The following ITGA9 variants were observed in gnomAD, a reference collection of about 807,000 sequenced individuals.
The protein encoded by ITGA9 is integrin subunit alpha 9.
ITGA9 carries 56 observed loss-of-function variants against 127.8 expected under a neutral mutation model. The ratio of observed to expected loss-of-function variants is 0.44; its 90% CI spans 0.35 to 0.55. ITGA9 has a LOEUF of 0.55. ITGA9 is among the 20% of genes least tolerant of loss of function. ITGA9 has a pLI of 0.00. For synonymous variants in ITGA9, 508 were observed against 514.5 expected, an observed-to-expected ratio of 0.99 and a Z score of 0.17; for missense variants, 1,196 against 1,347.1, an observed-to-expected ratio of 0.89 and a Z score of 1.76.
chr3:37,640,461 G>A (rs1229400711), intron 16 of ITGA9, among the ~76,000 whole-genome samples: 2 of 152,114 alleles, frequency 1.3e-5, no homozygotes, highest in African/African-American at 4.8e-5. Context: ...CACAGAACCA[G>A]GTGCTTCCAA....
chr3:37,503,065 A>C, intron 5 of ITGA9, 113 bp from the exon 6 acceptor site: 1 of 1,271,422 alleles, frequency 7.9e-7, no homozygotes, highest in South Asian at 1.4e-5. Flanking sequence ...CTGGGGAAAA[A>C]AAAGTTCTTG....
At chr3:37,520,568 C>G (rs10510694) in intron 11 of ITGA9, among the ~76,000 whole-genome samples, 6,909 of 152,238 alleles carry the variant, frequency 0.045, 439 homozygotes, top group African/African-American at 0.15. Context: ...GGAAAACTTA[C>G]GAATATGGAA....
chr3:37,710,464 G>A (rs748833478), intron 18 of ITGA9, among the ~76,000 whole-genome samples: 5 of 152,152 alleles, frequency 3.3e-5, no homozygotes, highest in Non-Finnish European at 4.4e-5. Context: ...ACCCACGAGC[G>A]TGGTTTGTGT....
In ITGA9 at chr3:37,597,394, A is replaced by G. The variant is rs1699879429; in HGVS notation, c.1690-31793A>G. Among the ~76,000 whole-genome samples, 1 of 152,040 alleles carries G rather than the reference A, an allele frequency of 6.6e-6. No homozygotes were observed. Among genetic ancestry groups the G allele is most frequent in the South Asian group, 2.1e-4 (1 of 4,806 alleles). ...CTGCAGGATAGGTGACAGATATGAA[A>G]CGATAAATGTGGAGGCAGGGAGACC... On this transcript the variant is annotated intron_variant, in intron 15 of 27. Transcript: ENST00000264741. The surrounding 1 kb of genome is among the most constrained non-coding windows in gnomAD (Gnocchi z 4.6).
At chr3:37,783,461 C>T (rs1306197079) in intron 25 of ITGA9, among the ~76,000 whole-genome samples, 1 of 152,132 alleles carries the variant, frequency 6.6e-6, no homozygotes, top group East Asian at 1.9e-4. Context: ...CCTGCCTCAG[C>T]TAGTCCTCAG....
chr3:37,740,152 C>T (rs9815924), intron 20 of ITGA9, among the ~76,000 whole-genome samples: 10,632 of 152,070 alleles, frequency 0.07, 1,097 homozygotes, highest in African/African-American at 0.23. Flanking sequence ...TCAGCACTTG[C>T]TGGTTGAGAG....
intron 13 of ITGA9, among the ~76,000 whole-genome samples, chr3:37,529,200 G>C (rs959573113): frequency 6.6e-6 from 1 of 152,186 alleles, no homozygotes; most frequent in Non-Finnish European, 1.5e-5. Context: ...CATGACATAA[G>C]TGGGGCTGTT....
chr3:37,510,922 CCTTT>C (rs1456246518), intron 8 of ITGA9, among the ~76,000 whole-genome samples: 1 of 152,168 alleles, frequency 6.6e-6, no homozygotes, highest in Non-Finnish European at 1.5e-5. Flanking sequence ...TAGGCCATGA[CCTTT>C]CTTTATACAA....
chr3:37,752,114 G>T (rs1171779608), intron 23 of ITGA9, among the ~76,000 whole-genome samples: 1 of 152,208 alleles, frequency 6.6e-6, no homozygotes, highest in African/African-American at 2.4e-5. Context: ...CCCACAGCTG[G>T]CACACCCTCT....
At chr3:37,722,763 T>C (rs1701203298) in intron 18 of ITGA9, among the ~76,000 whole-genome samples, 1 of 152,252 alleles carries the variant, frequency 6.6e-6, no homozygotes, top group Admixed American at 6.5e-5. Context: ...TATTACAAAT[T>C]ATGCTGCTAT....
intron 18 of ITGA9, among the ~76,000 whole-genome samples, chr3:37,704,207 G>T (rs1350722178): frequency 6.6e-6 from 1 of 152,116 alleles, no homozygotes; most frequent in Non-Finnish European, 1.5e-5. Flanking sequence ...AAGCATTGAT[G>T]AATTTTCTGA....
chr3:37,693,564 G>A (rs1183288765), intron 18 of ITGA9, among the ~76,000 whole-genome samples: 2 of 152,174 alleles, frequency 1.3e-5, no homozygotes, highest in African/African-American at 4.8e-5. Context: ...GCTCAAGATG[G>A]CACCAGGTGA....
intron 3 of ITGA9, among the ~76,000 whole-genome samples, chr3:37,477,070 A>G (rs568673596): frequency 7.9e-5 from 12 of 152,272 alleles, no homozygotes; most frequent in South Asian, 2.1e-4. Flanking sequence ...GAGTGTCCCT[A>G]TTTACATTTG....
intron 9 of ITGA9, among the ~76,000 whole-genome samples, chr3:37,514,705 G>C (rs1698966719): frequency 6.6e-6 from 1 of 152,180 alleles, no homozygotes; most frequent in Non-Finnish European, 1.5e-5. Context: ...CAGTAACTGG[G>C]ATTACAGGCA....
intron 3 of ITGA9, among the ~76,000 whole-genome samples, chr3:37,480,004 A>C (rs1275189551): frequency 6.6e-6 from 1 of 152,228 alleles, no homozygotes; most frequent in Admixed American, 6.5e-5. Flanking sequence ...GATTATTTTC[A>C]AAAGCAATAT....
intron 26 of ITGA9, among the ~76,000 whole-genome samples, chr3:37,801,021 C>T (rs902901155): frequency 6.6e-6 from 1 of 152,026 alleles, no homozygotes; most frequent in Non-Finnish European, 1.5e-5. Context: ...AAAAATCAGC[C>T]GAGTGTGGTG....
Position 37,748,068 on chromosome 3 carries a change from C to T in ITGA9, c.2434-2394C>T, listed in dbSNP as rs554679620. ...TTTCAATCACCCCCAAAAGAAATTT[C>T]GGCCTTTTGGCCAGAACCACCATCT... is the stretch of plus-strand genomic sequence containing the variant. On this transcript the variant is annotated intron_variant, in intron 22 of 27. Coordinates refer to ENST00000264741, the MANE Select transcript of ITGA9 (RefSeq NM_002207.3). 368 of 391,326 alleles carry T rather than the reference C, an allele frequency of 9.4e-4. 1 individual carries two copies. The highest frequency in any genetic ancestry group is 7.4e-3 in the African/African-American group (347 of 47,132). The allele number at this position is 391,326 out of a possible 1,614,324, so 24.2% of individuals were successfully genotyped here.
intron 17 of ITGA9, among the ~76,000 whole-genome samples, chr3:37,681,790 C>T (rs1316806699): frequency 2.0e-5 from 3 of 152,102 alleles, no homozygotes; most frequent in Non-Finnish European, 2.9e-5. Flanking sequence ...ATCCTAGCCC[C>T]GTTCACTCAC....
At chr3:37,487,865 A>G (rs558147076) in intron 4 of ITGA9, among the ~76,000 whole-genome samples, 1 of 152,092 alleles carries the variant, frequency 6.6e-6, no homozygotes, top group Non-Finnish European at 1.5e-5. Flanking sequence ...AATTTTATGA[A>G]TTTTTGGGAC....
Sources: gnomAD v4.1 joint callset for allele counts (sites outside exome capture counted in the v4.1 genomes callset) on GRCh38, gnomAD v4.1.1 for gene constraint, Gnocchi (gnomAD v3.1) non-coding constraint, MANE v1.5 for transcripts, NCBI Gene and HGNC (gene_info 2026-07-23, HGNC 2026-07-21) for gene names.